PRR16: variants seen among roughly 807,000 people sequenced by gnomAD.
PRR16 encodes the protein protein Largen.
Under a neutral mutation model 18.2 loss-of-function variants are expected in PRR16, and 6 were observed. The observed-to-expected ratio is 0.33, with a 90% CI of 0.18 to 0.65. PRR16 has a LOEUF of 0.65. Among genes scored for constraint, PRR16 ranks in the 30% least tolerant of loss-of-function variants. PRR16 has a pLI of 0.74. For synonymous variants in PRR16, 151 were observed against 147.8 expected, an observed-to-expected ratio of 1.02 and a Z score of -0.16; for missense variants, 412 against 376.6, an observed-to-expected ratio of 1.09 and a Z score of -0.78.
intron 1 of PRR16, among the ~76,000 whole-genome samples, chr5:120,677,905 CT>C (rs386404833): frequency 0.084 from 7,817 of 93,350 alleles, 238 homozygotes; most frequent in Middle Eastern, 0.15. Flanking sequence ...CTTTTTCTTT[CT>C]TTTTTTTTTT....
At chr5:120,483,182 A>G (rs1749678679) in intron 1 of PRR16, among the ~76,000 whole-genome samples, 1 of 152,146 alleles carries the variant, frequency 6.6e-6, no homozygotes. Context: ...ATTTCAACAC[A>G]TGGTTTCCAG....
the PRR16 span, among the ~76,000 whole-genome samples, chr5:120,706,474 C>A: frequency 6.6e-6 from 1 of 152,140 alleles, no homozygotes. Context: ...TTTAACAAAA[C>A]AGCAAACACA....
At chr5:120,559,721 T>A (rs1752518904) in intron 1 of PRR16, among the ~76,000 whole-genome samples, 1 of 151,982 alleles carries the variant, frequency 6.6e-6, no homozygotes, top group African/African-American at 2.4e-5. Context: ...GGAATTGGCG[T>A]TGAATCTGTA....
chr5:120,621,040 G>A (rs1754672628), intron 1 of PRR16, among the ~76,000 whole-genome samples: 3 of 152,032 alleles, frequency 2.0e-5, no homozygotes, highest in African/African-American at 7.2e-5. Context: ...AAAACTCTGG[G>A]TAGTGTTCTC....
chr5:120,668,711 T>C (rs1320887438), intron 1 of PRR16, among the ~76,000 whole-genome samples: 2 of 152,194 alleles, frequency 1.3e-5, no homozygotes, highest in African/African-American at 2.4e-5. Context: ...CCTTCACTTA[T>C]GAAGGTTAGT....
intron 1 of PRR16, among the ~76,000 whole-genome samples, chr5:120,558,087 C>G (rs1476429994): frequency 6.6e-6 from 1 of 151,540 alleles, no homozygotes; most frequent in East Asian, 1.9e-4. Context: ...CATAATAATC[C>G]CATCATGGAA....
intron 1 of PRR16, among the ~76,000 whole-genome samples, chr5:120,581,720 C>T (rs1451962836): frequency 6.6e-6 from 1 of 152,030 alleles, no homozygotes. Flanking sequence ...TATGTTGTCT[C>T]TTTGTTCTCC....
the PRR16 span, among the ~76,000 whole-genome samples, chr5:120,750,137 T>C: frequency 2.2e-4 from 33 of 152,310 alleles, no homozygotes; most frequent in African/African-American, 7.0e-4. Context: ...GTAATATTTT[T>C]GTGGGAGTTT....
chr5:120,591,011 G>A (rs901793568), intron 1 of PRR16, among the ~76,000 whole-genome samples: 1 of 152,020 alleles, frequency 6.6e-6, no homozygotes, highest in Non-Finnish European at 1.5e-5. Flanking sequence ...TGGGTGTGGT[G>A]TCTCACGCCT....
chr5:120,533,107 G>T (rs1426615477), intron 1 of PRR16, among the ~76,000 whole-genome samples: 7 of 152,188 alleles, frequency 4.6e-5, no homozygotes, highest in Non-Finnish European at 8.8e-5. Flanking sequence ...AAGATAATAG[G>T]ATAGTTTACC....
chr5:120,759,915 A>G, the PRR16 span, among the ~76,000 whole-genome samples: 3 of 152,156 alleles, frequency 2.0e-5, no homozygotes, highest in South Asian at 4.1e-4. Context: ...AAAGGAATGC[A>G]TAATATGACA....
At chr5:120,771,192 TTAAA>T in the PRR16 span, among the ~76,000 whole-genome samples, 10 of 152,180 alleles carry the variant, frequency 6.6e-5, no homozygotes, top group African/African-American at 2.2e-4. Flanking sequence ...TAGGTATACT[TTAAA>T]TATATATTAA....
the PRR16 span, among the ~76,000 whole-genome samples, chr5:120,729,094 T>C: frequency 6.6e-6 from 1 of 152,140 alleles, no homozygotes; most frequent in Admixed American, 6.6e-5. Flanking sequence ...TTAAATCCTT[T>C]GAATTCTAAA....
In PRR16 at chr5:120,686,814, C is replaced by T. The variant is rs1757143927; in HGVS notation, c.*105C>T. 1.0e-6 allele frequency: 1 copy of T among 961,316 alleles called. No homozygotes were observed. The highest frequency in any genetic ancestry group is 1.4e-6 in the Non-Finnish European group (1 of 708,978). 59.5% of individuals were successfully genotyped at this position (961,316 alleles called of 1,614,324 possible). On this transcript the variant is annotated 3_prime_UTR_variant, in exon 2 of 2. Transcript: ENST00000407149. ...CAATAAAAAGCCCAAATATATTAAT[C>T]CTGCATTCAGCAAAGTGGCATAAAA...
the PRR16 span, among the ~76,000 whole-genome samples, chr5:120,785,336 G>T: frequency 6.6e-6 from 1 of 152,044 alleles, no homozygotes; most frequent in Non-Finnish European, 1.5e-5. Flanking sequence ...TATTATAACA[G>T]CCCATAAGCA....
intron 1 of PRR16, among the ~76,000 whole-genome samples, chr5:120,541,002 C>T (rs1194246627): frequency 3.9e-5 from 6 of 152,132 alleles, no homozygotes; most frequent in African/African-American, 1.4e-4. Context: ...TGCATTTAGA[C>T]GTACACATAC....
chr5:120,639,219 T>C (rs1755343200), intron 1 of PRR16, among the ~76,000 whole-genome samples: 1 of 152,120 alleles, frequency 6.6e-6, no homozygotes, highest in African/African-American at 2.4e-5. Context: ...ATTTTTATTG[T>C]TTAATATTGT....
chr5:120,670,613 C>T (rs1756568003), intron 1 of PRR16, among the ~76,000 whole-genome samples: 1 of 152,158 alleles, frequency 6.6e-6, no homozygotes, highest in East Asian at 1.9e-4. Flanking sequence ...TTTTAAAATG[C>T]AACCCCCTTA....
the PRR16 span, among the ~76,000 whole-genome samples, chr5:120,758,397 T>C: frequency 3.5e-4 from 54 of 152,282 alleles, no homozygotes; most frequent in African/African-American, 1.3e-3. Context: ...ATATGATCTC[T>C]TCAAGAAATT....
Sources: allele counts gnomAD v4.1 joint callset (sites outside exome capture counted in the v4.1 genomes callset), GRCh38; gene constraint gnomAD v4.1.1; transcripts MANE v1.5; gene names NCBI Gene and HGNC (gene_info 2026-07-23, HGNC 2026-07-21).